MFSD8: variants seen among roughly 807,000 people sequenced by gnomAD.
The protein encoded by MFSD8 is major facilitator superfamily domain-containing protein 8.
A neutral mutation model predicts 66.4 loss-of-function variants in MFSD8; 55 were observed. The observed-to-expected ratio is 0.83, with a 90% CI of 0.67 to 1.04. MFSD8 has a LOEUF of 1.04. Among genes scored for constraint, MFSD8 ranks in the 50% least tolerant of loss-of-function variants. MFSD8 has a pLI of 0.00. For synonymous variants in MFSD8, 202 were observed against 212.8 expected (o/e 0.95, Z 0.44); for missense variants, 550 against 627.6 (o/e 0.88, Z 1.32).
chr4:127,926,866 A>G (rs1737289688), intron 9 of MFSD8, among the ~76,000 whole-genome samples: 2 of 152,216 alleles, frequency 1.3e-5, no homozygotes, highest in Admixed American at 1.3e-4. Context: ...AGTAGAAACC[A>G]CACTTCAAAT....
intron 9 of MFSD8, among the ~76,000 whole-genome samples, chr4:127,930,463 C>T (rs1485334269): frequency 6.6e-6 from 1 of 151,916 alleles, no homozygotes; most frequent in African/African-American, 2.4e-5. Context: ...ACATAGTAGA[C>T]AAAAGATAAA....
At chr4:127,945,687 G>T (rs181435857) in intron 3 of MFSD8, 1 of 151,984 alleles carries the variant, frequency 6.6e-6, no homozygotes, top group African/African-American at 2.4e-5. Context: ...AAAAAAATAA[G>T]AAATAATATG....
At chr4:127,953,899 CT>C in intron 2 of MFSD8, among the ~76,000 whole-genome samples, 1 of 152,228 alleles carries the variant, frequency 6.6e-6, no homozygotes, top group Middle Eastern at 3.4e-3. Context: ...TCATGCACAA[CT>C]TTGGCAAGTG....
intron 5 of MFSD8, among the ~76,000 whole-genome samples, chr4:127,940,831 T>C (rs561073916): frequency 2.0e-5 from 3 of 152,030 alleles, no homozygotes; most frequent in Admixed American, 6.6e-5. Context: ...AATTCACATA[T>C]AACTCTAGGG....
rs541107328 is a variant in MFSD8, at chr4:127,963,194, C to G, written c.62+1878G>C. 4.6e-5 allele frequency among the ~76,000 whole-genome samples: 7 copies of G among 152,236 alleles called. No homozygotes were observed. The South Asian group carries it at 1.5e-3, about 32-fold the overall frequency. ...TTGTACATTTGGCATAGGACAAAGG[C>G]GAGCTCATTTTGGACAGATTTGTTA... is the stretch of plus-strand genomic sequence containing the variant. On this transcript the variant is annotated intron_variant, in intron 1 of 11. Transcript: ENST00000641686.
At chr4:127,953,378 C>T (rs1008939553) in intron 2 of MFSD8, among the ~76,000 whole-genome samples, 1 of 150,588 alleles carries the variant, frequency 6.6e-6, no homozygotes, top group African/African-American at 2.4e-5. Context: ...ATCCCAACTA[C>T]TTGGAAGGCT....
rs777943565 is a variant in MFSD8 at position 127,920,638 on chromosome 4, G to C, written c.1549C>G (p.Gln517Glu). The C allele has an allele frequency of 6.2e-7, 1 of 1,613,854 alleles. No homozygotes were observed. Among genetic ancestry groups the C allele is most frequent in the South Asian group, 1.1e-5 (1 of 91,066 alleles). Residue 517 changes from glutamine (Q) to glutamate (E), a missense_variant, in exon 12 of 12, where the codon CAG becomes GAG. By Grantham distance (29) the Gln-to-Glu change is conservative. Coordinates refer to ENST00000641686, the MANE Select transcript of MFSD8 (RefSeq NM_001371596.2). Reference protein sequence around the residue: ...IALSVRYGRIQE With the variant: ...IALSVRYGRIEE ...TCACAGTCTTAGCTAGTTTATTCCT[G>C]AATCCTCCCATATCTTACAGAAAGA...
At chr4:127,939,777 A>G in intron 6 of MFSD8, 76 bp downstream of exon 6, 2 of 1,496,984 alleles carry the variant, frequency 1.3e-6, no homozygotes, top group South Asian at 2.3e-5. Flanking sequence ...CATAAGGATA[A>G]TTATCTTCCA....
chr4:127,944,473 C>T (rs11933103), intron 3 of MFSD8, among the ~76,000 whole-genome samples: 2,106 of 152,130 alleles, frequency 0.014, 33 homozygotes, highest in African/African-American at 0.048. Flanking sequence ...AGATGATAGA[C>T]AATTATCTCA....
chr4:127,921,698 T>G lies in MFSD8; in HGVS notation c.1176A>C (p.Glu392Asp), dbSNP rs1221272586. Reference protein sequence around the residue: ...IIIGLWKSPMEDDNERPTGCS... With the variant: ...IIIGLWKSPMDDDNERPTGCS... ...AACCAGTTGGTCTTTCATTGTCATC[T>G]TCCATTGGAGACTTCCAAAGACCAA... is the stretch of plus-strand genomic sequence containing the variant. The change falls in exon 11 of 12, where the codon GAA (glutamate) becomes GAC (aspartate). Residue 392 changes from glutamate to aspartate, a missense_variant. Coordinates refer to ENST00000641686, the MANE Select transcript of MFSD8 (RefSeq NM_001371596.2). 6.2e-7 allele frequency: 1 copy of G among 1,614,212 alleles called. No individual in the cohort carries two copies. The highest frequency in any genetic ancestry group is 1.7e-5 in the Admixed American group (1 of 60,010).
chr4:127,929,338 A>AAG (rs1737742399), intron 9 of MFSD8, among the ~76,000 whole-genome samples: 1 of 147,342 alleles, frequency 6.8e-6, no homozygotes, highest in African/African-American at 2.6e-5. Context: ...AAAAAAAAAA[A>AAG]AAAAAAAAAA....
intron 3 of MFSD8, among the ~76,000 whole-genome samples, chr4:127,948,775 C>T (rs184224014): frequency 2.6e-5 from 4 of 152,228 alleles, no homozygotes; most frequent in African/African-American, 9.6e-5. Flanking sequence ...ATGCTCAGCC[C>T]CTTCATCATG....
intron 7 of MFSD8, among the ~76,000 whole-genome samples, chr4:127,937,507 AAT>A (rs1224494856): frequency 6.6e-6 from 1 of 152,206 alleles, no homozygotes; most frequent in East Asian, 1.9e-4. Context: ...AGTCAAAATT[AAT>A]ACTTTTACAC....
chr4:127,941,938 C>T (rs1740260657), intron 5 of MFSD8, 107 bp downstream of exon 5: 1 of 894,528 alleles, frequency 1.1e-6, no homozygotes. Flanking sequence ...TAGCTTTCCT[C>T]CCTTTCCCTT....
intron 5 of MFSD8, 73 bp downstream of exon 5, chr4:127,941,972 G>A (rs1244872618): frequency 3.4e-6 from 4 of 1,186,794 alleles, no homozygotes; most frequent in African/African-American, 1.5e-5. Flanking sequence ...TTATACTTGG[G>A]TTACACTGAA....
chr4:127,946,776 G>T (rs775215884), intron 3 of MFSD8, among the ~76,000 whole-genome samples: 3 of 151,962 alleles, frequency 2.0e-5, no homozygotes, highest in Non-Finnish European at 4.4e-5. Context: ...TTAGCTGGGC[G>T]TGGTGGTGCA....
chr4:127,944,339 T>A (rs1284849726), intron 3 of MFSD8, among the ~76,000 whole-genome samples: 1 of 152,176 alleles, frequency 6.6e-6, no homozygotes, highest in East Asian at 1.9e-4. Flanking sequence ...TTAATTCTTG[T>A]AAATAGAATT....
At chr4:127,945,744 A>G (rs1740929192) in intron 3 of MFSD8, 1 of 152,164 alleles carries the variant, frequency 6.6e-6, no homozygotes, top group Non-Finnish European at 1.5e-5. Flanking sequence ...CCGTTAAAAT[A>G]TCTTTCATTT....
At chr4:127,944,920 C>T (rs1462052041) in intron 3 of MFSD8, among the ~76,000 whole-genome samples, 1 of 152,134 alleles carries the variant, frequency 6.6e-6, no homozygotes. Context: ...CCTCCTGCCG[C>T]GGGAGGGAGG....
Sources: allele counts gnomAD v4.1 joint callset (sites outside exome capture counted in the v4.1 genomes callset), GRCh38; gene constraint gnomAD v4.1.1; transcripts MANE v1.5; gene names NCBI Gene and HGNC (gene_info 2026-07-23, HGNC 2026-07-21).